LEPR: variants seen among roughly 807,000 people sequenced by gnomAD.
The protein encoded by LEPR is OB receptor.
LEPR carries 56 observed loss-of-function variants against 114.7 expected under a neutral mutation model. That is an observed-to-expected ratio of 0.49 (90% CI 0.39 to 0.61). LEPR has a LOEUF of 0.61. Among genes scored for constraint, LEPR ranks in the 20% least tolerant of loss-of-function variants. The pLI is 0.00. For missense variants in LEPR, 1,202 were observed against 1,352.9 expected (o/e 0.89, Z 1.75); for synonymous variants, 443 against 461.4 (o/e 0.96, Z 0.51).
chr1:65,568,453 A>G (rs1653922264), intron 3 of LEPR, among the ~76,000 whole-genome samples: 2 of 152,164 alleles, frequency 1.3e-5, no homozygotes, highest in South Asian at 2.1e-4. Flanking sequence ...GTTGCAAAGT[A>G]CATGCTTTTA....
intron 8 of LEPR, among the ~76,000 whole-genome samples, chr1:65,600,437 C>T (rs965421266): frequency 3.3e-5 from 5 of 152,074 alleles, no homozygotes; most frequent in African/African-American, 1.2e-4. Flanking sequence ...CATGCTATTA[C>T]AGAATAAAGA....
At chr1:65,554,979 C>G (rs192522471) in intron 2 of LEPR, among the ~76,000 whole-genome samples, 2 of 152,144 alleles carry the variant, frequency 1.3e-5, no homozygotes, top group East Asian at 1.9e-4. Context: ...TTTCTTGATC[C>G]CTTGCACTTC....
intron 2 of LEPR, among the ~76,000 whole-genome samples, chr1:65,497,063 T>C (rs1244575723): frequency 6.6e-6 from 1 of 152,128 alleles, no homozygotes; most frequent in African/African-American, 2.4e-5. Context: ...GCAATCACAT[T>C]GCCCCATTCA....
At chr1:65,598,588 A>G in intron 7 of LEPR, 72 bp from the exon 8 acceptor site, 2 of 1,592,832 alleles carry the variant, frequency 1.3e-6, no homozygotes, top group South Asian at 2.2e-5. Flanking sequence ...TGATGAGATT[A>G]GCTTATCCTC....
chr1:65,462,877 T>C (rs1431943840), intron 2 of LEPR, among the ~76,000 whole-genome samples: 1 of 152,180 alleles, frequency 6.6e-6, no homozygotes, highest in Non-Finnish European at 1.5e-5. Context: ...TTAAGTTCTT[T>C]GTAGATTCCA....
rs758722417 is a variant in LEPR, at chr1:65,596,576, A to G, written c.832A>G (p.Thr278Ala). The G allele has an allele frequency of 2.5e-6, 4 of 1,612,312 alleles. 1 individual carries two copies. Among genetic ancestry groups the G allele is most frequent in the South Asian group, 2.2e-5 (2 of 91,044 alleles). Residue 278 changes from threonine (T) to alanine (A), a missense_variant, in exon 7 of 20, where the codon ACA becomes GCA. By Grantham distance (58) the Thr-to-Ala change is moderately conservative. Transcript: ENST00000349533. ...QYQVKYSENS[T>A]TVIREADKIV... is the part of the protein sequence containing the mutation. ...TCAAGTGAAATATTCAGAGAATTCT[A>G]CAACAGTTATCAGAGAAGTAAGTAT...
chr1:65,526,701 G>A (rs1570612556), intron 2 of LEPR, among the ~76,000 whole-genome samples: 1 of 152,106 alleles, frequency 6.6e-6, no homozygotes, highest in African/African-American at 2.4e-5. Flanking sequence ...ACTGTGGTTC[G>A]TTTAACCTCA....
intron 2 of LEPR, among the ~76,000 whole-genome samples, chr1:65,523,919 T>C (rs142779562): frequency 1.7e-4 from 26 of 152,226 alleles, no homozygotes; most frequent in African/African-American, 5.8e-4. Flanking sequence ...AAATGTCCTT[T>C]ACAACAAAAA....
At chr1:65,424,903 G>A (rs997368085) in intron 1 of LEPR, among the ~76,000 whole-genome samples, 5 of 152,166 alleles carry the variant, frequency 3.3e-5, no homozygotes, top group African/African-American at 4.8e-5. Flanking sequence ...AGCATCTCAC[G>A]GTGAGAGGGA....
At chr1:65,455,884 G>T (rs1646865550) in intron 2 of LEPR, among the ~76,000 whole-genome samples, 2 of 152,174 alleles carry the variant, frequency 1.3e-5, no homozygotes, top group Non-Finnish European at 2.9e-5. Flanking sequence ...CCCCAGCCTT[G>T]CTGCCGCCTT....
At position 65,605,127 on chromosome 1, in the gene LEPR, G is replaced by A; in HGVS notation, c.1493G>A (p.Cys498Tyr). ...TTGCAGAGTGATGGTTTTTATGAAT[G>A]CATTTTCCAGCCAATCTTCCTATTA... ...CYLQSDGFYE[C>Y]IFQPIFLLSG... The change falls in exon 11 of 20, where the codon TGC (cysteine) becomes TAC (tyrosine). Residue 498 changes from cysteine to tyrosine, a missense_variant. By Grantham distance (194) the Cys-to-Tyr change is radical. Transcript: ENST00000349533. The A allele has an allele frequency of 6.2e-7, 1 of 1,614,062 alleles. No homozygotes were observed. Among genetic ancestry groups the A allele is most frequent in the Non-Finnish European group, 8.5e-7 (1 of 1,180,000 alleles).
chr1:65,545,954 G>A (rs372166884), intron 2 of LEPR, among the ~76,000 whole-genome samples: 86 of 147,244 alleles, frequency 5.8e-4, no homozygotes, highest in Middle Eastern at 3.5e-3. Flanking sequence ...TAACGTTTAA[G>A]TCTTTAATCC....
chr1:65,614,247 T>C (rs1657390082), intron 14 of LEPR, among the ~76,000 whole-genome samples: 1 of 152,200 alleles, frequency 6.6e-6, no homozygotes, highest in Admixed American at 6.5e-5. Flanking sequence ...AAATGGTGGG[T>C]ATATAGCACT....
intron 19 of LEPR, among the ~76,000 whole-genome samples, chr1:65,624,379 T>C (rs1293441140): frequency 7.9e-5 from 12 of 152,178 alleles, no homozygotes; most frequent in South Asian, 2.1e-4. Flanking sequence ...CTGAAGCTCA[T>C]AGTGGTTCGG....
chr1:65,501,153 A>G (rs1648430767), intron 2 of LEPR, among the ~76,000 whole-genome samples: 1 of 151,876 alleles, frequency 6.6e-6, no homozygotes, highest in Non-Finnish European at 1.5e-5. Flanking sequence ...CTTCTCAGTG[A>G]ATTTATTCAT....
At chr1:65,625,045 A>G (rs1658116899) in intron 19 of LEPR, among the ~76,000 whole-genome samples, 1 of 152,098 alleles carries the variant, frequency 6.6e-6, no homozygotes, top group Non-Finnish European at 1.5e-5. Flanking sequence ...TTTCAAGTAA[A>G]TATTTTTTCT....
chr1:65,547,711 A>G (rs1308021753), intron 2 of LEPR, among the ~76,000 whole-genome samples: 1 of 148,078 alleles, frequency 6.8e-6, no homozygotes, highest in South Asian at 2.2e-4. Context: ...TTTCTTTATT[A>G]GTCTTGCTAG....
Position 65,584,855 on chromosome 1 carries a change from CTT to C in LEPR, c.495-7800_495-7799del, listed in dbSNP as rs372231607. Among the ~76,000 whole-genome samples, 402 of 152,090 alleles carry C rather than the reference CTT, an allele frequency of 2.6e-3. 3 individuals carry two copies. The highest frequency in any genetic ancestry group is 9.2e-3 in the African/African-American group (380 of 41,526). On this transcript the variant is annotated intron_variant, in intron 5 of 19. Coordinates refer to ENST00000349533, the MANE Select transcript of LEPR (RefSeq NM_002303.6). ...TTCTTTTTTTCCCACTTTCTCTTCT[CTT>C]TGTTGATTTTCCATTTATTTGGTGA...
intron 5 of LEPR, among the ~76,000 whole-genome samples, chr1:65,579,887 A>G (rs962658797): frequency 2.6e-5 from 4 of 152,326 alleles, no homozygotes; most frequent in Admixed American, 1.3e-4. Flanking sequence ...TTTTAGCTTC[A>G]GTTTAGTCAG....
Sources: gnomAD v4.1 joint callset for allele counts (sites outside exome capture counted in the v4.1 genomes callset) on GRCh38, gnomAD v4.1.1 for gene constraint, MANE v1.5 for transcripts, NCBI Gene and HGNC (gene_info 2026-07-23, HGNC 2026-07-21) for gene names.